The following SLC44A1 variants were observed in gnomAD, a reference collection of about 807,000 sequenced individuals.
SLC44A1 encodes the protein solute carrier family 44 member 1.
In SLC44A1, 26 loss-of-function variants were observed where a neutral mutation model predicts 79.3. The observed-to-expected ratio is 0.33, with a 90% CI of 0.24 to 0.46. The LOEUF is 0.46. Among genes scored for constraint, SLC44A1 ranks in the 20% least tolerant of loss-of-function variants. The probability of loss-of-function intolerance (pLI) is 1.00; values close to 1 mark genes in which losing one functional copy is unlikely to be tolerated. For missense variants in SLC44A1, 688 were observed against 798.1 expected, an observed-to-expected ratio of 0.86 and a Z score of 1.66; for synonymous variants, 263 against 286.2, an observed-to-expected ratio of 0.92 and a Z score of 0.82.
At chr9:105,360,202 A>G (rs1400155298) in intron 7 of SLC44A1, among the ~76,000 whole-genome samples, 2 of 152,106 alleles carry the variant, frequency 1.3e-5, no homozygotes, top group Admixed American at 6.5e-5. Flanking sequence ...CTTTCCTTAG[A>G]TAGTGTCATA....
intron 1 of SLC44A1, among the ~76,000 whole-genome samples, chr9:105,295,022 T>C (rs553976309): frequency 1.8e-4 from 27 of 152,100 alleles, no homozygotes; most frequent in African/African-American, 5.8e-4. Flanking sequence ...TTTGTTACCA[T>C]GTTTGTTTGT....
intron 1 of SLC44A1, among the ~76,000 whole-genome samples, chr9:105,270,015 T>C (rs1830042793): frequency 6.6e-6 from 1 of 152,220 alleles, no homozygotes; most frequent in African/African-American, 2.4e-5. Context: ...CCCATCCCAC[T>C]AAATTTTGGT....
rs538613882 is a variant in SLC44A1, at chr9:105,244,678, G to A, written c.-191G>A. ...ACGCGTAGCCGCCGTCGCCGCCGCC[G>A]GGGGATGTGGCCGGCGCCTGCCTCT... On this transcript the variant is annotated 5_prime_UTR_variant, in exon 1 of 16. Coordinates refer to ENST00000374720, the MANE Select transcript of SLC44A1 (RefSeq NM_080546.5). The A allele has an allele frequency of 2.3e-4, 65 of 281,280 alleles. 1 individual carries two copies. Among genetic ancestry groups the A allele is most frequent in the South Asian group, 8.7e-4 (6 of 6,894 alleles). 17.4% of individuals were successfully genotyped at this position (281,280 alleles called of 1,614,324 possible).
At chr9:105,355,427 G>A (rs1827591314) in intron 5 of SLC44A1, among the ~76,000 whole-genome samples, 1 of 152,128 alleles carries the variant, frequency 6.6e-6, no homozygotes, top group Admixed American at 6.5e-5. Context: ...AATAGTAACT[G>A]ATAAAAAGAA....
intron 1 of SLC44A1, among the ~76,000 whole-genome samples, chr9:105,296,438 T>C (rs1830723489): frequency 6.6e-6 from 1 of 152,190 alleles, no homozygotes; most frequent in African/African-American, 2.4e-5. Flanking sequence ...TCTCTGTATG[T>C]TATAGATGAA....
chr9:105,250,790 A>G (rs1456869767), intron 1 of SLC44A1, among the ~76,000 whole-genome samples: 4 of 152,170 alleles, frequency 2.6e-5, no homozygotes, highest in East Asian at 1.9e-4. Context: ...AAGTTTACAA[A>G]TGTTATGGAA....
chr9:105,263,313 T>C (rs1829883155), intron 1 of SLC44A1, among the ~76,000 whole-genome samples: 1 of 152,204 alleles, frequency 6.6e-6, no homozygotes, highest in Non-Finnish European at 1.5e-5. Flanking sequence ...ATTGTTCTGA[T>C]TCTGCACCCA....
At chr9:105,257,071 C>T (rs1829726069) in intron 1 of SLC44A1, among the ~76,000 whole-genome samples, 1 of 151,380 alleles carries the variant, frequency 6.6e-6, no homozygotes, top group South Asian at 2.1e-4. Flanking sequence ...CAGGTGTGAG[C>T]CACTGCGCCC....
downstream of SLC44A1, among the ~76,000 whole-genome samples, chr9:105,399,904 G>T (rs2131497494): frequency 6.6e-6 from 1 of 152,320 alleles, no homozygotes; most frequent in Middle Eastern, 3.4e-3. Flanking sequence ...CATTGAAAAT[G>T]AAAATTTTTG....
chr9:105,284,437 A>G (rs188063228), intron 1 of SLC44A1, among the ~76,000 whole-genome samples: 12 of 152,036 alleles, frequency 7.9e-5, no homozygotes, highest in African/African-American at 2.9e-4. Context: ...GAGTCCTTTG[A>G]TCTCTATAAG....
chr9:105,341,666 A>G (rs1827096760), intron 4 of SLC44A1, among the ~76,000 whole-genome samples: 1 of 152,140 alleles, frequency 6.6e-6, no homozygotes, highest in South Asian at 2.1e-4. Context: ...AGATATCCAT[A>G]AATGTTTTTT....
In SLC44A1 at chr9:105,382,400, A is replaced by G. The variant is rs1490927489; in HGVS notation, c.1633-723A>G. The stretch of plus-strand genomic sequence containing the variant: ...TGGCTATTTCTTTTATTCTTTTAGC[A>G]TGGATGTTTTTGGCAACCTCTTTCT... On this transcript the variant is annotated intron_variant, in intron 13 of 15. Transcript: ENST00000374720. Among the ~76,000 whole-genome samples the G allele has an allele frequency of 2.6e-5, 4 of 152,216 alleles. No homozygotes were observed. The East Asian group carries it at 7.7e-4, about 29-fold the overall frequency.
rs193044015 is a variant in SLC44A1 at position 105,257,032 on chromosome 9, C to T, written c.36+12128C>T. Reference sequence around the variant, plus strand: ...AACTCCTGACCTCAGGTAATCCACCCGCCTTGGCCTCCCAAAGTGCTGGGA... The same window carrying T: ...AACTCCTGACCTCAGGTAATCCACCTGCCTTGGCCTCCCAAAGTGCTGGGA... On this transcript the variant is annotated intron_variant, in intron 1 of 15. Coordinates refer to ENST00000374720, the MANE Select transcript of SLC44A1 (RefSeq NM_080546.5). Among the ~76,000 whole-genome samples the T allele has an allele frequency of 5.3e-3, 804 of 151,956 alleles. 6 individuals are homozygous for T. Among genetic ancestry groups the T allele is most frequent in the African/African-American group, 0.019 (775 of 41,440 alleles).
chr9:105,399,035 C>T (rs1383298676), downstream of SLC44A1, among the ~76,000 whole-genome samples: 1 of 152,014 alleles, frequency 6.6e-6, no homozygotes, highest in Non-Finnish European at 1.5e-5. Context: ...GTCTCGCGGG[C>T]CGTGGGTTGG....
At chr9:105,345,974 A>AT (rs891004194) in intron 4 of SLC44A1, among the ~76,000 whole-genome samples, 89 of 147,848 alleles carry the variant, frequency 6.0e-4, no homozygotes, top group African/African-American at 2.1e-3. Flanking sequence ...TGTGCTAAGT[A>AT]TTTTTTATAC....
chr9:105,317,894 T>C (rs1285488116), intron 3 of SLC44A1, among the ~76,000 whole-genome samples: 1 of 152,184 alleles, frequency 6.6e-6, no homozygotes, highest in African/African-American at 2.4e-5. Flanking sequence ...CTTCCCACAC[T>C]TAGGGATACG....
chr9:105,405,596 A>G (rs555189461), intron 15 of SLC44A1, among the ~76,000 whole-genome samples: 2 of 152,264 alleles, frequency 1.3e-5, no homozygotes, highest in South Asian at 4.1e-4. Flanking sequence ...CATGTTTCTG[A>G]TGTGGCTTGC....
chr9:105,329,256 T>A (rs1356177177), intron 3 of SLC44A1, among the ~76,000 whole-genome samples: 2 of 152,186 alleles, frequency 1.3e-5, no homozygotes, highest in African/African-American at 4.8e-5. Context: ...CCATTTTTAT[T>A]CCCCTCTGGG....
chr9:105,281,115 A>T (rs181605523), intron 1 of SLC44A1, among the ~76,000 whole-genome samples: 25 of 152,324 alleles, frequency 1.6e-4, no homozygotes, highest in Non-Finnish European at 2.1e-4. Context: ...CATGGAGAGC[A>T]CCTTGAGGGA....
Sources: gnomAD v4.1 joint callset for allele counts (sites outside exome capture counted in the v4.1 genomes callset) on GRCh38, gnomAD v4.1.1 for gene constraint, MANE v1.5 for transcripts, NCBI Gene and HGNC (gene_info 2026-07-23, HGNC 2026-07-21) for gene names.